TBC1D16: variants seen among roughly 807,000 people sequenced by gnomAD.
TBC1D16 encodes the protein CTD-2529O21.1.
TBC1D16 carries 58 observed loss-of-function variants against 74.7 expected under a neutral mutation model. That is an observed-to-expected ratio of 0.78 (90% confidence interval 0.63 to 0.97). The LOEUF (loss-of-function observed/expected upper bound fraction) is 0.97, where lower values mean the gene tolerates loss of function less well. Among genes scored for constraint, TBC1D16 ranks in the 50% least tolerant of loss-of-function variants. The pLI is 0.00. For synonymous variants in TBC1D16, 493 were observed against 474.7 expected (o/e 1.04, Z -0.50); for missense variants, 1,014 against 1,079.5 (o/e 0.94, Z 0.85).
At chr17:80,003,448 G>A (rs989895836) in intron 3 of TBC1D16, among the ~76,000 whole-genome samples, 9 of 152,328 alleles carry the variant, frequency 5.9e-5, no homozygotes, top group African/African-American at 9.6e-5. Flanking sequence ...GCAGGCCGGC[G>A]GCACTGGTGT....
chr17:79,979,481 C>T lies in TBC1D16; in HGVS notation c.780-26663G>A, dbSNP rs770980874. Reference sequence around the variant, plus strand: ...GGCCTGAAGCGGGAGGCGGGAGGACCGCATAGCTGCAAATGCATCTGGGCG... The same window carrying T: ...GGCCTGAAGCGGGAGGCGGGAGGACTGCATAGCTGCAAATGCATCTGGGCG... On this transcript the variant is annotated intron_variant, in intron 3 of 11. Transcript: ENST00000310924. This position sits in a 1 kb window ranked among gnomAD's most constrained non-coding sequence, Gnocchi z 4.8. Among the ~76,000 whole-genome samples, 6 of 152,152 alleles carry T rather than the reference C, an allele frequency of 3.9e-5. No homozygotes were observed. The highest frequency in any genetic ancestry group is 5.9e-5 in the Non-Finnish European group (4 of 68,034).
Position 79,966,910 on chromosome 17 carries a change from T to C in TBC1D16, c.780-14092A>G, listed in dbSNP as rs536324160. Among the ~76,000 whole-genome samples, 26 of 151,928 alleles carry C rather than the reference T, an allele frequency of 1.7e-4. No individual in the cohort carries two copies. The South Asian group carries it at 4.2e-3, about 24-fold the overall frequency. On this transcript the variant is annotated intron_variant, in intron 3 of 11. Coordinates refer to ENST00000310924, the MANE Select transcript of TBC1D16 (RefSeq NM_019020.4). ...GCATGACTGGTTCAACATATGAAAA[T>C]AGATGGATGTAAGACACTAGATTAG... is the stretch of plus-strand genomic sequence containing the variant.
In TBC1D16 at chr17:79,951,587, AG is replaced by A; in HGVS notation, c.951del (p.Cys318AlafsTer88). On this transcript the variant is annotated frameshift_variant, in exon 5 of 12. Transcript: ENST00000310924. LOFTEE classifies it high-confidence loss of function. ...GCAACGACCAGCTGGCCGCTGGTGC[AG>A]GCCTCGTCGCTGAAGGGCCATTGGA... is the stretch of plus-strand genomic sequence containing the variant. Reference protein sequence around the residue: ...RSLRLFFSDEACTSGQLVVAS... With the variant: ...RSLRLFFSDEXCTSGQLVVAS... 9 of 1,613,592 alleles carry A rather than the reference AG, an allele frequency of 5.6e-6. No individual in the cohort carries two copies. The highest frequency in any genetic ancestry group is 7.6e-6 in the Non-Finnish European group (9 of 1,179,796).
chr17:80,008,022 A>T lies in TBC1D16; in HGVS notation c.779+2138T>A, dbSNP rs1250449251. On this transcript the variant is annotated intron_variant, in intron 3 of 11. Transcript: ENST00000310924. This position sits in a 1 kb window ranked among gnomAD's most constrained non-coding sequence, Gnocchi z 4.5. ...ATACATCCCCACCCTCAGTTGTGAT[A>T]AAAAAAAAAAAAAAGTGTCTCCTGG... 9.8e-5 allele frequency among the ~76,000 whole-genome samples: 12 copies of T among 122,082 alleles called. No homozygotes were observed. Among genetic ancestry groups the T allele is most frequent in the African/African-American group, 2.0e-4 (7 of 34,374 alleles). The allele number at this position is 122,082 out of a possible 152,430, so 80.1% of individuals were successfully genotyped here. A position where few individuals can be genotyped will look rare whatever the true frequency, so the allele number is the denominator to read the frequency against.
intron 10 of TBC1D16, 140 bp from the exon 11 acceptor site, chr17:79,942,346 G>A (rs2032097058): frequency 2.2e-6 from 2 of 912,086 alleles, no homozygotes; most frequent in Admixed American, 2.8e-5. Context: ...GGGGCCGTGT[G>A]GCCCTGGGCA....
chr17:80,010,992 C>A lies in TBC1D16; in HGVS notation c.182-235G>T, dbSNP rs1395625385. On this transcript the variant is annotated intron_variant, in intron 2 of 11. Coordinates refer to ENST00000310924, the MANE Select transcript of TBC1D16 (RefSeq NM_019020.4). This position sits in a 1 kb window ranked among gnomAD's most constrained non-coding sequence, Gnocchi z 8.8. ...ACACTTCCGGCAGATCCAGGGGGCA[C>A]TGGTCCCCAAGCACCGGCCTGCCAT... Among the ~76,000 whole-genome samples the A allele has an allele frequency of 6.6e-6, 1 of 152,292 alleles. No individual in the cohort carries two copies. The highest frequency in any genetic ancestry group is 1.9e-4 in the East Asian group (1 of 5,162).
intron 1 of TBC1D16, among the ~76,000 whole-genome samples, chr17:80,014,637 G>C (rs1254400404): frequency 1.3e-5 from 2 of 152,030 alleles, no homozygotes; most frequent in African/African-American, 4.8e-5. Context: ...CTCCAATGCG[G>C]GAGCAACATG....
intron 3 of TBC1D16, among the ~76,000 whole-genome samples, chr17:79,964,865 T>G (rs1054958541): frequency 7.2e-5 from 11 of 152,156 alleles, no homozygotes; most frequent in African/African-American, 2.4e-4. Flanking sequence ...GTTGCAAAAC[T>G]ATATAAAAAT....
Position 79,944,977 on chromosome 17 carries a change from C to T in TBC1D16, c.1839G>A (p.Leu613=), listed in dbSNP as rs1350521494. The change falls in exon 10 of 12, where the codon CTG becomes CTA. Residue 613 remains leucine, a synonymous_variant. Transcript: ENST00000310924. This position sits in a 1 kb window ranked among gnomAD's most constrained non-coding sequence, Gnocchi z 7.7. Reference sequence around the variant, plus strand: ...CCTCGGGGAACTCCCGCTTGAAGCACAGAAGGAGCCAGCGGTGGCAGAAGA... The same window carrying T: ...CCTCGGGGAACTCCCGCTTGAAGCATAGAAGGAGCCAGCGGTGGCAGAAGA... ...QMLFCHRWLL[L]CFKREFPEAE... 6 of 1,563,744 alleles carry T rather than the reference C, an allele frequency of 3.8e-6. No homozygotes were observed. The highest frequency in any genetic ancestry group is 5.2e-6 in the Non-Finnish European group (6 of 1,153,932).
At chr17:79,943,713 C>T (rs1170072047) in intron 10 of TBC1D16, 7 of 704,802 alleles carry the variant, frequency 9.9e-6, no homozygotes, top group Non-Finnish European at 1.3e-5. Flanking sequence ...GTCACGTGGG[C>T]CTCCCGCTGG....
rs1037433276 is a variant in TBC1D16 at position 79,987,405 on chromosome 17, C to A, written c.779+22755G>T. Among the ~76,000 whole-genome samples, 5 of 151,918 alleles carry A rather than the reference C, an allele frequency of 3.3e-5. No individual in the cohort carries two copies. The highest frequency in any genetic ancestry group is 7.4e-5 in the Non-Finnish European group (5 of 67,980). On this transcript the variant is annotated intron_variant, in intron 3 of 11. Coordinates refer to ENST00000310924, the MANE Select transcript of TBC1D16 (RefSeq NM_019020.4). The surrounding 1 kb of genome is among the most constrained non-coding windows in gnomAD (Gnocchi z 5.2). ...GGGACCACAGGTGCACGCCATCACG[C>A]CCAGCTAAATTTTTTATTTTTTATA...
At chr17:79,949,921 C>T in intron 6 of TBC1D16, 56 bp from the exon 7 acceptor site, 2 of 1,575,984 alleles carry the variant, frequency 1.3e-6, no homozygotes, top group Non-Finnish European at 8.7e-7. Flanking sequence ...TCAAAGAACC[C>T]CCAAATCCCC....
chr17:80,018,547 G>T (rs1279365228), intron 1 of TBC1D16, among the ~76,000 whole-genome samples: 4 of 149,714 alleles, frequency 2.7e-5, no homozygotes, highest in Non-Finnish European at 5.9e-5. Flanking sequence ...CTCCCAAAGT[G>T]CTGGGATTAC....
At position 80,007,778 on chromosome 17, in the gene TBC1D16, CAG is replaced by C. The variant is rs1009985156; in HGVS notation, c.779+2380_779+2381del. Among the ~76,000 whole-genome samples, 18 of 152,182 alleles carry C rather than the reference CAG, an allele frequency of 1.2e-4. No individual in the cohort carries two copies. Among genetic ancestry groups the C allele is most frequent in the African/African-American group, 4.3e-4 (18 of 41,516 alleles). On this transcript the variant is annotated intron_variant, in intron 3 of 11. Transcript: ENST00000310924. The surrounding 1 kb of genome is among the most constrained non-coding windows in gnomAD (Gnocchi z 4.5). Reference sequence around the variant, plus strand: ...GAGAGAGCCCCACAAGATCTAGAGGCAGAGAGGACGACGAACTTGGAGGTGTG... The same window carrying C: ...GAGAGAGCCCCACAAGATCTAGAGGCAGAGGACGACGAACTTGGAGGTGTG...
Position 79,975,417 on chromosome 17 carries a change from A to G in TBC1D16, c.780-22599T>C, listed in dbSNP as rs1433740414. ...TTTCCTGGGAACCCTTGCCTCCTAC[A>G]TGGCCTACTTAAAAGGCTGCTGAGA... On this transcript the variant is annotated intron_variant, in intron 3 of 11. Coordinates refer to ENST00000310924, the MANE Select transcript of TBC1D16 (RefSeq NM_019020.4). The surrounding 1 kb of genome is among the most constrained non-coding windows in gnomAD (Gnocchi z 4.5). Among the ~76,000 whole-genome samples, 1 of 152,104 alleles carries G rather than the reference A, an allele frequency of 6.6e-6. No individual in the cohort carries two copies. Among genetic ancestry groups the G allele is most frequent in the Admixed American group, 6.5e-5 (1 of 15,278 alleles).
intron 3 of TBC1D16, among the ~76,000 whole-genome samples, chr17:79,955,370 C>T (rs1022925748): frequency 1.3e-5 from 2 of 152,150 alleles, no homozygotes; most frequent in Non-Finnish European, 2.9e-5. Context: ...CTTCAGCTCC[C>T]AGCCCTGGCT....
At chr17:79,984,616 G>T (rs1285156639) in intron 3 of TBC1D16, among the ~76,000 whole-genome samples, 19 of 94,278 alleles carry the variant, frequency 2.0e-4, no homozygotes, top group African/African-American at 5.7e-4. Flanking sequence ...AGGGAGGGAG[G>T]GAGTGAAGGA....
intron 10 of TBC1D16, among the ~76,000 whole-genome samples, chr17:79,943,450 C>T (rs1032299180): frequency 8.5e-5 from 13 of 152,164 alleles, no homozygotes; most frequent in Non-Finnish European, 1.8e-4. Flanking sequence ...ATGCTGACAG[C>T]GGACGGATAG....
At chr17:79,992,620 A>G (rs957113641) in intron 3 of TBC1D16, among the ~76,000 whole-genome samples, 1 of 152,204 alleles carries the variant, frequency 6.6e-6, no homozygotes, top group African/African-American at 2.4e-5. Flanking sequence ...GAGAGGCCAC[A>G]GCGACCACCC....
Sources: allele counts gnomAD v4.1 joint callset (sites outside exome capture counted in the v4.1 genomes callset), GRCh38; gene constraint gnomAD v4.1.1; non-coding constraint Gnocchi (gnomAD v3.1); transcripts MANE v1.5; gene names NCBI Gene and HGNC (gene_info 2026-07-23, HGNC 2026-07-21).